Variants in SYTL5 observed in about 807,000 individuals in gnomAD.
SYTL5 encodes the protein synaptotagmin like 5.
SYTL5 carries 34 observed loss-of-function variants against 55.9 expected under a neutral mutation model. That is an observed-to-expected ratio of 0.61 (90% confidence interval 0.46 to 0.81). The LOEUF (loss-of-function observed/expected upper bound fraction) is 0.81, where lower values mean the gene tolerates loss of function less well. SYTL5 is among the 30% of genes least tolerant of loss of function. The pLI is 0.00. For synonymous variants in SYTL5, 221 were observed against 188.7 expected (o/e 1.17, Z -1.40); for missense variants, 637 against 546.7 (o/e 1.17, Z -1.65).
At chrX:38,106,806 T>C in intron 11 of SYTL5, 35 bp downstream of exon 11, 1 of 1,103,828 alleles carries the variant, frequency 9.1e-7, no homozygotes, top group East Asian at 3.1e-5. Context: ...ACTATTTCAG[T>C]CACTGCCTTT....
intron 10 of SYTL5, 43 bp from the exon 11 acceptor site, chrX:38,106,550 T>G (rs1230537517): frequency 1.8e-6 from 2 of 1,087,445 alleles, no homozygotes; most frequent in Non-Finnish European, 1.2e-6. Context: ...GAAGAGATCA[T>G]TAGAATGACA....
At chrX:37,927,120 A>AT in the SYTL5 span, among the ~76,000 whole-genome samples, 1 of 112,210 alleles carries the variant, frequency 8.9e-6, no homozygotes, top group African/African-American at 3.2e-5. Flanking sequence ...GCAAATCCAT[A>AT]TGGAATCCTT....
chrX:38,090,038 T>C (rs1936760329), intron 7 of SYTL5, among the ~76,000 whole-genome samples: 1 of 112,218 alleles, frequency 8.9e-6, no homozygotes, highest in African/African-American at 3.2e-5. Context: ...AGAAGCTTCA[T>C]CAGGACTGAA....
At chrX:38,067,786 C>G (rs1466030066) in intron 3 of SYTL5, among the ~76,000 whole-genome samples, 1 of 112,011 alleles carries the variant, frequency 8.9e-6, no homozygotes, top group Non-Finnish European at 1.9e-5. Flanking sequence ...CAAAAATTAA[C>G]TCAAGATTGA....
chrX:38,099,739 G>A (rs1193785979), intron 9 of SYTL5, among the ~76,000 whole-genome samples: 1 of 110,880 alleles, frequency 9.0e-6, no homozygotes, highest in Non-Finnish European at 1.9e-5. Context: ...TTTATGTTGA[G>A]GTAAATTTTT....
the SYTL5 span, among the ~76,000 whole-genome samples, chrX:37,919,731 T>C: frequency 8.9e-6 from 1 of 112,415 alleles, no homozygotes; most frequent in Non-Finnish European, 1.9e-5. Context: ...AACCTTTATT[T>C]GTTCTCCTCT....
chrX:38,086,207 G>A (rs1172857474), intron 6 of SYTL5, among the ~76,000 whole-genome samples: 2 of 111,333 alleles, frequency 1.8e-5, no homozygotes, highest in Non-Finnish European at 3.8e-5. Flanking sequence ...AGGGCCAGGG[G>A]CTCAGATGTT....
chrX:38,054,818 C>T (rs146791638), intron 3 of SYTL5, among the ~76,000 whole-genome samples: 1,307 of 110,293 alleles, frequency 0.012, 26 homozygotes, highest in African/African-American at 0.041. Flanking sequence ...AAGCCTCGAC[C>T]TCCTGGGCTC....
At chrX:38,056,383 T>G (rs1032403376) in intron 3 of SYTL5, among the ~76,000 whole-genome samples, 2 of 112,183 alleles carry the variant, frequency 1.8e-5, no homozygotes, top group African/African-American at 6.5e-5. Flanking sequence ...GCACTTAGGT[T>G]GCTTCCAAAT....
chrX:38,087,721 G>T (rs1006072230), intron 6 of SYTL5, among the ~76,000 whole-genome samples: 1 of 111,729 alleles, frequency 9.0e-6, no homozygotes, highest in Non-Finnish European at 1.9e-5. Context: ...ACTTCTGTTT[G>T]ATAGTTCATT....
At chrX:38,057,209 A>G (rs1305907375) in intron 3 of SYTL5, among the ~76,000 whole-genome samples, 5 of 111,631 alleles carry the variant, frequency 4.5e-5, no homozygotes, top group Non-Finnish European at 7.6e-5. Flanking sequence ...GTGGATATCC[A>G]GTTTTCCCAG....
chrX:38,042,139 G>A (rs1935303687), intron 2 of SYTL5, among the ~76,000 whole-genome samples: 1 of 109,743 alleles, frequency 9.1e-6, no homozygotes, highest in Non-Finnish European at 1.9e-5. Context: ...TTATTAACGT[G>A]TTTATATTAT....
At chrX:37,918,255 G>A in the SYTL5 span, among the ~76,000 whole-genome samples, 1 of 111,746 alleles carries the variant, frequency 8.9e-6, no homozygotes, top group Non-Finnish European at 1.9e-5. Flanking sequence ...ATAGAGGCTT[G>A]AAAAAGCATG....
chrX:37,959,471 G>T, the SYTL5 span, among the ~76,000 whole-genome samples: 1 of 111,621 alleles, frequency 9.0e-6, no homozygotes, highest in Non-Finnish European at 1.9e-5. Flanking sequence ...TAAAGCTCAG[G>T]TACCGCGGTT....
chrX:37,965,039 A>AT, the SYTL5 span, among the ~76,000 whole-genome samples: 3 of 110,416 alleles, frequency 2.7e-5, no homozygotes, highest in South Asian at 1.1e-3. Context: ...TCTAAATTTC[A>AT]TTTTTTTATT....
intron 13 of SYTL5, among the ~76,000 whole-genome samples, chrX:38,111,370 T>G (rs1010507132): frequency 8.9e-6 from 1 of 111,905 alleles, no homozygotes; most frequent in Non-Finnish European, 1.9e-5. Context: ...ATTCTACGCA[T>G]GGCCGTCAGC....
At chrX:38,088,027 G>A (rs1481282172) in intron 6 of SYTL5, among the ~76,000 whole-genome samples, 1 of 111,359 alleles carries the variant, frequency 9.0e-6, no homozygotes, top group Non-Finnish European at 1.9e-5. Context: ...ATTGGGGGAT[G>A]GAAAATGGCT....
chrX:38,055,724 A>T (rs1935761786), intron 3 of SYTL5, among the ~76,000 whole-genome samples: 1 of 112,258 alleles, frequency 8.9e-6, no homozygotes, highest in Admixed American at 9.4e-5. Context: ...TTCAGTGCTT[A>T]CATTTTTAGC....
At chrX:37,893,603 T>G in the SYTL5 span, among the ~76,000 whole-genome samples, 2,079 of 76,479 alleles carry the variant, frequency 0.027, 388 homozygotes, top group African/African-American at 0.15. Flanking sequence ...TATCTATAGA[T>G]TATATATACA....
Sources: gnomAD v4.1 joint callset for allele counts (sites outside exome capture counted in the v4.1 genomes callset) on GRCh38, gnomAD v4.1.1 for gene constraint, MANE v1.5 for transcripts, NCBI Gene and HGNC (gene_info 2026-07-23, HGNC 2026-07-21) for gene names.